Variants in GABRB1 observed in about 807,000 individuals in gnomAD.
GABRB1 encodes the protein gamma-aminobutyric acid receptor subunit beta-1.
A neutral mutation model predicts 51.6 loss-of-function variants in GABRB1; 17 were observed. The ratio of observed to expected loss-of-function variants is 0.33; its 90% CI spans 0.23 to 0.49. The LOEUF (loss-of-function observed/expected upper bound fraction) is 0.49. Among genes scored for constraint, GABRB1 ranks in the 20% least tolerant of loss-of-function variants. GABRB1 has a pLI of 0.99. For synonymous variants in GABRB1, 247 were observed against 218.9 expected, an observed-to-expected ratio of 1.13 and a Z score of -1.14; for missense variants, 410 against 600.6, an observed-to-expected ratio of 0.68 and a Z score of 3.32.
intron 1 of GABRB1, among the ~76,000 whole-genome samples, chr4:47,008,095 T>C (rs1036536352): frequency 3.3e-5 from 5 of 151,798 alleles, no homozygotes; most frequent in African/African-American, 1.2e-4. Context: ...AGAGGAAAGA[T>C]TAGAGAAATA....
At chr4:47,022,505 A>C (rs1724954665) in intron 1 of GABRB1, among the ~76,000 whole-genome samples, 1 of 152,036 alleles carries the variant, frequency 6.6e-6, no homozygotes, top group African/African-American at 2.4e-5. Flanking sequence ...GTTTTTCTTT[A>C]TCCATGATGT....
intron 1 of GABRB1, among the ~76,000 whole-genome samples, chr4:47,011,936 C>T (rs1372643244): frequency 6.6e-6 from 1 of 152,056 alleles, no homozygotes; most frequent in African/African-American, 2.4e-5. Flanking sequence ...TAATAAACAT[C>T]TAGGTACTCC....
chr4:47,017,102 G>T (rs570584725), intron 1 of GABRB1, among the ~76,000 whole-genome samples: 1 of 152,168 alleles, frequency 6.6e-6, no homozygotes, highest in Non-Finnish European at 1.5e-5. Context: ...AGAAAGAGAC[G>T]CTGTGGAGTT....
intron 1 of GABRB1, among the ~76,000 whole-genome samples, chr4:46,999,490 TA>T (rs1428462558): frequency 3.9e-5 from 6 of 152,318 alleles, no homozygotes; most frequent in Non-Finnish European, 5.9e-5. Context: ...AAATGTCATT[TA>T]ACAGGGAAGT....
At chr4:47,208,271 T>A (rs1261859956) in intron 4 of GABRB1, among the ~76,000 whole-genome samples, 1 of 152,072 alleles carries the variant, frequency 6.6e-6, no homozygotes, top group African/African-American at 2.4e-5. Flanking sequence ...AATTATATTA[T>A]ATATTTGGAT....
intron 3 of GABRB1, among the ~76,000 whole-genome samples, chr4:47,158,766 T>C (rs2109733074): frequency 6.6e-6 from 1 of 152,218 alleles, no homozygotes; most frequent in South Asian, 2.1e-4. Context: ...TCCATCTGCC[T>C]ACAAATTCTT....
chr4:47,416,092 A>G (rs147868837), intron 8 of GABRB1, among the ~76,000 whole-genome samples: 210 of 152,372 alleles, frequency 1.4e-3, no homozygotes, highest in African/African-American at 4.8e-3. Flanking sequence ...TAATTGACAA[A>G]TATGTGAATA....
At chr4:47,019,918 GTATA>G (rs1724878753) in intron 1 of GABRB1, among the ~76,000 whole-genome samples, 1 of 99,742 alleles carries the variant, frequency 1.0e-5, no homozygotes, top group Non-Finnish European at 2.3e-5. Context: ...ATATGTATAT[GTATA>G]CGTATATGTA....
At chr4:47,341,018 C>A (rs1725872292) in intron 5 of GABRB1, among the ~76,000 whole-genome samples, 1 of 152,174 alleles carries the variant, frequency 6.6e-6, no homozygotes, top group Admixed American at 6.6e-5. Context: ...AATCACTCAA[C>A]TTTCAAACCA....
chr4:47,319,558 T>C (rs973674789), intron 4 of GABRB1, among the ~76,000 whole-genome samples: 5 of 152,176 alleles, frequency 3.3e-5, no homozygotes, highest in African/African-American at 4.8e-5. Context: ...ATGGTGTATA[T>C]TGTTTTGACA....
chr4:47,109,618 G>A (rs1715132202), intron 3 of GABRB1, among the ~76,000 whole-genome samples: 1 of 151,950 alleles, frequency 6.6e-6, no homozygotes, highest in Non-Finnish European at 1.5e-5. Flanking sequence ...GGGAAAATGT[G>A]GTAAATAAGG....
intron 3 of GABRB1, among the ~76,000 whole-genome samples, chr4:47,060,396 A>G (rs1376682641): frequency 6.6e-6 from 1 of 152,158 alleles, no homozygotes; most frequent in African/African-American, 2.4e-5. Flanking sequence ...GAAATATCTC[A>G]GCTTTCCAGG....
At chr4:47,373,142 C>T (rs1246654674) in intron 5 of GABRB1, among the ~76,000 whole-genome samples, 1 of 152,208 alleles carries the variant, frequency 6.6e-6, no homozygotes, top group Non-Finnish European at 1.5e-5. Flanking sequence ...GTGTCCTTAT[C>T]TCTCCTCAAG....
chr4:47,123,745 TATATAATA>T (rs1440819248), intron 3 of GABRB1, among the ~76,000 whole-genome samples: 2 of 87,476 alleles, frequency 2.3e-5, no homozygotes, highest in South Asian at 3.1e-4. Flanking sequence ...TATTATTATA[TATATAATA>T]TATTATAATA....
intron 5 of GABRB1, among the ~76,000 whole-genome samples, chr4:47,395,162 G>T (rs1375375638): frequency 6.6e-6 from 1 of 152,158 alleles, no homozygotes; most frequent in Admixed American, 6.5e-5. Context: ...GTATTAGTTT[G>T]TTCTCACACT....
chr4:47,005,972 C>G (rs1029297988), intron 1 of GABRB1, among the ~76,000 whole-genome samples: 5 of 149,952 alleles, frequency 3.3e-5, no homozygotes, highest in Non-Finnish European at 7.4e-5. Flanking sequence ...TTGGAAGTAT[C>G]TGATTTGAGG....
At chr4:47,173,177 G>A (rs1029191114) in intron 4 of GABRB1, among the ~76,000 whole-genome samples, 3 of 152,126 alleles carry the variant, frequency 2.0e-5, no homozygotes, top group South Asian at 2.1e-4. Flanking sequence ...TGAGTTAGTT[G>A]TTTGTTCGTT....
At chr4:47,354,995 T>G (rs924800794) in intron 5 of GABRB1, among the ~76,000 whole-genome samples, 12 of 138,998 alleles carry the variant, frequency 8.6e-5, no homozygotes, top group South Asian at 4.9e-4. Context: ...TTTTTTTTTT[T>G]TTTTTTTTTT....
chr4:47,276,799 C>T (rs1723092843), intron 4 of GABRB1, among the ~76,000 whole-genome samples: 1 of 152,116 alleles, frequency 6.6e-6, no homozygotes, highest in South Asian at 2.1e-4. Context: ...GGATGTGTAA[C>T]AGCCTCCTTA....
Sources: gnomAD v4.1 joint callset for allele counts (sites outside exome capture counted in the v4.1 genomes callset) on GRCh38, gnomAD v4.1.1 for gene constraint, MANE v1.5 for transcripts, NCBI Gene and HGNC (gene_info 2026-07-23, HGNC 2026-07-21) for gene names.